The following CALN1 variants were observed in gnomAD, a reference collection of about 807,000 sequenced individuals.
The protein encoded by CALN1 is calcium-binding protein 8.
Under a neutral mutation model 30.6 loss-of-function variants are expected in CALN1, and 17 were observed. That is an observed-to-expected ratio of 0.56 (90% CI 0.38 to 0.83). The LOEUF (loss-of-function observed/expected upper bound fraction) is 0.83. Among genes scored for constraint, CALN1 ranks in the 40% least tolerant of loss-of-function variants. The pLI, the probability that CALN1 is intolerant of heterozygous loss-of-function variation, is 0.00. For synonymous variants in CALN1, 156 were observed against 131.4 expected (o/e 1.19, Z -1.28); for missense variants, 291 against 354.9 (o/e 0.82, Z 1.45).
chr7:72,173,293 C>T (rs559270059), intron 3 of CALN1, among the ~76,000 whole-genome samples: 10 of 151,918 alleles, frequency 6.6e-5, no homozygotes, highest in Non-Finnish European at 1.0e-4. Flanking sequence ...TATAATTTAA[C>T]GTTATTTGGG....
intron 1 of CALN1, among the ~76,000 whole-genome samples, chr7:72,425,425 T>G (rs996439151): frequency 2.7e-4 from 41 of 152,174 alleles, no homozygotes; most frequent in African/African-American, 9.9e-4. Flanking sequence ...CCTGCCCAGT[T>G]ACTACCGGGG....
rs959486111 is a variant in CALN1 at position 72,153,607 on chromosome 7, C to T, written c.245-47313G>A. Among the ~76,000 whole-genome samples the T allele has an allele frequency of 7.2e-5, 11 of 151,946 alleles. No homozygotes were observed. The East Asian group carries it at 7.7e-4, about 11-fold the overall frequency. On this transcript the variant is annotated intron_variant, in intron 3 of 6. Transcript: ENST00000395275. ...GCTGAAGCAGAAGGATCACTTGAGC[C>T]GGAGTTCAAGGCTGCAGTGAGCCAT... is the stretch of plus-strand genomic sequence containing the variant.
At chr7:72,151,817 T>A (rs1331634848) in intron 3 of CALN1, among the ~76,000 whole-genome samples, 2 of 152,080 alleles carry the variant, frequency 1.3e-5, no homozygotes, top group African/African-American at 4.8e-5. Context: ...GCTCAAGAGA[T>A]CCTTTGATCT....
chr7:72,248,596 C>A (rs1795343583), intron 3 of CALN1, among the ~76,000 whole-genome samples: 1 of 152,076 alleles, frequency 6.6e-6, no homozygotes, highest in African/African-American at 2.4e-5. Context: ...CTTATAAGGA[C>A]ACTTATCATT....
At chr7:72,355,147 A>T (rs999178962) in intron 2 of CALN1, among the ~76,000 whole-genome samples, 1 of 152,112 alleles carries the variant, frequency 6.6e-6, no homozygotes, top group Non-Finnish European at 1.5e-5. Flanking sequence ...TGCTCAAGTG[A>T]TCCGCCCACC....
intron 2 of CALN1, among the ~76,000 whole-genome samples, chr7:72,364,081 T>G (rs192947054): frequency 7.9e-4 from 120 of 152,102 alleles, no homozygotes; most frequent in Non-Finnish European, 1.6e-3. Context: ...AAAAAATACT[T>G]TACTATAATG....
chr7:71,806,273 C>CACACACACACATGCACACACACAA (rs1787613300), intron 6 of CALN1, among the ~76,000 whole-genome samples: 1 of 149,798 alleles, frequency 6.7e-6, no homozygotes, highest in African/African-American at 2.5e-5. Flanking sequence ...CACACACAAA[C>CACACACACACATGCACACACACAA]ACACACACAC....
At chr7:71,982,205 C>T (rs1241258825) in intron 5 of CALN1, among the ~76,000 whole-genome samples, 1 of 152,130 alleles carries the variant, frequency 6.6e-6, no homozygotes, top group Non-Finnish European at 1.5e-5. Flanking sequence ...TTATCAGGGT[C>T]ACCCAAAAAA....
rs146512634 is a variant in CALN1, at chr7:72,098,325, T to C, written c.388+7826A>G. Among the ~76,000 whole-genome samples, 279 of 152,172 alleles carry C rather than the reference T, an allele frequency of 1.8e-3. 2 individuals are homozygous for C. The highest frequency in any genetic ancestry group is 6.8e-3 in the Middle Eastern group (2 of 294). On this transcript the variant is annotated intron_variant, in intron 4 of 6. Transcript: ENST00000395275. ...AAGAGAACAAAGAACTGAGTTAAAG[T>C]TCCAAGAAATAACTTTTGCAGTGAT...
At chr7:72,416,486 C>T (rs11980160), upstream of CALN1, among the ~76,000 whole-genome samples, 4,101 of 152,266 alleles carry the variant, frequency 0.027, 184 homozygotes, top group African/African-American at 0.093. Flanking sequence ...GTAATCCCAG[C>T]GCTTTGCGAG....
intron 3 of CALN1, among the ~76,000 whole-genome samples, chr7:72,140,666 G>A (rs1046282816): frequency 3.9e-5 from 6 of 152,242 alleles, no homozygotes; most frequent in African/African-American, 1.4e-4. Flanking sequence ...ATGAACAGAG[G>A]CAACCCTGGT....
At chr7:72,343,262 G>A (rs1439162430) in intron 2 of CALN1, among the ~76,000 whole-genome samples, 1 of 152,176 alleles carries the variant, frequency 6.6e-6, no homozygotes, top group African/African-American at 2.4e-5. Flanking sequence ...CAAAATTGCT[G>A]CCTGTCAATG....
At chr7:72,424,129 C>T (rs1158807996) in intron 1 of CALN1, among the ~76,000 whole-genome samples, 1 of 152,064 alleles carries the variant, frequency 6.6e-6, no homozygotes, top group Admixed American at 6.6e-5. Flanking sequence ...TTAGCAGGAG[C>T]CAGAGAGCAC....
At chr7:72,289,748 A>G (rs1242349220) in intron 2 of CALN1, among the ~76,000 whole-genome samples, 3 of 152,130 alleles carry the variant, frequency 2.0e-5, no homozygotes, top group Admixed American at 2.0e-4. Context: ...AATATTTATT[A>G]CCTTGATTTT....
intron 2 of CALN1, among the ~76,000 whole-genome samples, chr7:72,399,463 G>A (rs996450672): frequency 1.3e-5 from 2 of 151,796 alleles, no homozygotes; most frequent in Non-Finnish European, 2.9e-5. Context: ...TAGAGATAGG[G>A]CTTCACCATG....
intron 5 of CALN1, among the ~76,000 whole-genome samples, chr7:71,958,298 C>G (rs1797072282): frequency 6.6e-6 from 1 of 152,080 alleles, no homozygotes; most frequent in African/African-American, 2.4e-5. Flanking sequence ...CTCTGTTTGT[C>G]AGGTTTCTTG....
intron 4 of CALN1, among the ~76,000 whole-genome samples, chr7:72,025,330 A>C (rs1800986666): frequency 2.0e-5 from 3 of 150,076 alleles, no homozygotes; most frequent in Non-Finnish European, 4.4e-5. Flanking sequence ...TAATAATAAA[A>C]CAATAAAATA....
In CALN1 at chr7:71,962,350, C is replaced by A. The variant is rs145566278; in HGVS notation, c.501+61307G>T. On this transcript the variant is annotated intron_variant, in intron 5 of 6. Coordinates refer to ENST00000395275, the MANE Select transcript of CALN1 (RefSeq NM_031468.4). ...CCCAGGAGTTTGAGGCTGCAGTGAG[C>A]TATGATGGCACCACTGCACTGCAGC... Among the ~76,000 whole-genome samples, 311 of 152,212 alleles carry A rather than the reference C, an allele frequency of 2.0e-3. 11 individuals are homozygous for A. The South Asian group carries it at 0.054, about 26-fold the overall frequency.
At chr7:72,101,089 G>A (rs570172981) in intron 4 of CALN1, among the ~76,000 whole-genome samples, 6 of 151,760 alleles carry the variant, frequency 4.0e-5, no homozygotes, top group Non-Finnish European at 7.4e-5. Context: ...TTAGCCTCCC[G>A]AGTAGCTGAG....
Sources: gnomAD v4.1 joint callset for allele counts (sites outside exome capture counted in the v4.1 genomes callset) on GRCh38, gnomAD v4.1.1 for gene constraint, MANE v1.5 for transcripts, NCBI Gene and HGNC (gene_info 2026-07-23, HGNC 2026-07-21) for gene names.